Variants in STK39 observed in about 807,000 individuals in gnomAD.
The protein encoded by STK39 is STE20/SPS1-related proline-alanine-rich protein kinase.
In STK39, 20 loss-of-function variants were observed where a neutral mutation model predicts 77.8. The observed-to-expected ratio is 0.26, with a 90% CI of 0.18 to 0.37. The LOEUF (loss-of-function observed/expected upper bound fraction) is 0.37, where lower values mean the gene tolerates loss of function less well. Among genes scored for constraint, STK39 ranks in the 10% least tolerant of loss-of-function variants. STK39 has a pLI of 1.00. For missense variants in STK39, 479 were observed against 656.5 expected, an observed-to-expected ratio of 0.73 and a Z score of 2.95; for synonymous variants, 246 against 234.1, an observed-to-expected ratio of 1.05 and a Z score of -0.47.
At chr2:168,054,340 CTT>C (rs1277933390) in intron 14 of STK39, among the ~76,000 whole-genome samples, 1 of 152,210 alleles carries the variant, frequency 6.6e-6, no homozygotes, top group Non-Finnish European at 1.5e-5. Context: ...TATTTCATGA[CTT>C]TAAACCTTAA....
At chr2:168,227,170 C>T (rs1690330148) in intron 1 of STK39, among the ~76,000 whole-genome samples, 1 of 152,120 alleles carries the variant, frequency 6.6e-6, no homozygotes, top group Admixed American at 6.6e-5. Context: ...AAAATTATTA[C>T]ATTTTGGAAA....
intron 16 of STK39, among the ~76,000 whole-genome samples, chr2:167,978,575 T>C (rs1683338877): frequency 6.6e-6 from 1 of 152,230 alleles, no homozygotes; most frequent in African/African-American, 2.4e-5. Context: ...CTTATACTAA[T>C]GTAAGCAGCT....
chr2:168,175,908 A>G (rs1194980982), intron 2 of STK39, among the ~76,000 whole-genome samples: 1 of 152,222 alleles, frequency 6.6e-6, no homozygotes, highest in African/African-American at 2.4e-5. Context: ...GACAGATGAC[A>G]GAACAAAACT....
At chr2:167,956,694 ACACTCTCT>A (rs1413831414) in intron 17 of STK39, among the ~76,000 whole-genome samples, 76 of 41,714 alleles carry the variant, frequency 1.8e-3, no homozygotes, top group South Asian at 7.3e-3. Context: ...ACACACACAC[ACACTCTCT>A]CTCTCTCTCT....
chr2:168,233,954 T>C (rs6747565), intron 1 of STK39, among the ~76,000 whole-genome samples: 55,258 of 152,088 alleles, frequency 0.36, 10,410 homozygotes, highest in Non-Finnish European at 0.43. Flanking sequence ...AAAACTTATA[T>C]TTCAAAACTA....
At chr2:168,235,295 C>T (rs1016331815) in intron 1 of STK39, among the ~76,000 whole-genome samples, 12 of 152,048 alleles carry the variant, frequency 7.9e-5, no homozygotes, top group Non-Finnish European at 5.9e-5. Flanking sequence ...GTCTCAGCCT[C>T]CTGAAGTGCT....
intron 1 of STK39, among the ~76,000 whole-genome samples, chr2:168,240,475 T>C (rs1200231896): frequency 1.3e-5 from 2 of 152,178 alleles, no homozygotes; most frequent in South Asian, 2.1e-4. Flanking sequence ...AAACCAGTGG[T>C]GGCTGACATG....
chr2:168,100,509 C>A (rs1313382347), intron 10 of STK39, among the ~76,000 whole-genome samples: 1 of 152,180 alleles, frequency 6.6e-6, no homozygotes, highest in Non-Finnish European at 1.5e-5. Flanking sequence ...AGCGATCCTC[C>A]TGCCACGGCC....
intron 12 of STK39, among the ~76,000 whole-genome samples, chr2:168,073,716 C>A (rs968408974): frequency 3.3e-5 from 5 of 152,168 alleles, no homozygotes; most frequent in South Asian, 2.1e-4. Flanking sequence ...GCAACCTCCA[C>A]TTCCCGGGTT....
At chr2:167,974,752 G>A (rs950682653) in intron 16 of STK39, among the ~76,000 whole-genome samples, 2 of 152,130 alleles carry the variant, frequency 1.3e-5, no homozygotes, top group Admixed American at 1.3e-4. Context: ...CTAGAGTATA[G>A]TGTCTTTTAG....
At chr2:168,095,453 A>G (rs906355488) in intron 10 of STK39, among the ~76,000 whole-genome samples, 5 of 152,036 alleles carry the variant, frequency 3.3e-5, no homozygotes, top group African/African-American at 1.2e-4. Flanking sequence ...AACAATCTTC[A>G]ATTCTCTGAT....
At chr2:168,114,707 G>C (rs554149094) in intron 10 of STK39, among the ~76,000 whole-genome samples, 1 of 152,316 alleles carries the variant, frequency 6.6e-6, no homozygotes, top group East Asian at 1.9e-4. Flanking sequence ...GGAAACTGCA[G>C]TGCTATCCTT....
chr2:168,004,747 A>T (rs1684084233), intron 16 of STK39, among the ~76,000 whole-genome samples: 1 of 151,530 alleles, frequency 6.6e-6, no homozygotes. Flanking sequence ...AAAAAAAAAA[A>T]AAATTAAAAT....
intron 5 of STK39, among the ~76,000 whole-genome samples, chr2:168,152,273 G>C (rs1025312917): frequency 1.3e-5 from 2 of 152,192 alleles, no homozygotes; most frequent in African/African-American, 4.8e-5. Flanking sequence ...TATTTTTAAA[G>C]ATGCTCTGGT....
At chr2:168,048,760 C>T (rs1011599743) in intron 14 of STK39, among the ~76,000 whole-genome samples, 1 of 152,170 alleles carries the variant, frequency 6.6e-6, no homozygotes, top group African/African-American at 2.4e-5. Context: ...CTGTAATTAG[C>T]AACCCCGCCA....
chr2:168,139,899 A>G (rs1687936706), intron 7 of STK39, among the ~76,000 whole-genome samples: 1 of 152,148 alleles, frequency 6.6e-6, no homozygotes, highest in South Asian at 2.1e-4. Context: ...AAGAAAGAAA[A>G]AAAAAAGCTC....
At chr2:168,210,202 A>G (rs1303810827) in intron 1 of STK39, among the ~76,000 whole-genome samples, 1 of 152,200 alleles carries the variant, frequency 6.6e-6, no homozygotes, top group Non-Finnish European at 1.5e-5. Flanking sequence ...TTTGAGTCAT[A>G]CTATCACTAC....
chr2:167,956,676 A>ACACACACACT (rs1444244384), intron 17 of STK39, among the ~76,000 whole-genome samples: 1 of 38,806 alleles, frequency 2.6e-5, no homozygotes, highest in African/African-American at 1.4e-4. Context: ...AGACACACAC[A>ACACACACACT]CACACACACA....
At chr2:168,146,972 G>A (rs1688156194) in intron 5 of STK39, among the ~76,000 whole-genome samples, 1 of 152,202 alleles carries the variant, frequency 6.6e-6, no homozygotes, top group South Asian at 2.1e-4. Context: ...TCGAAGGTCT[G>A]AATAAAATTC....
Sources: gnomAD v4.1 joint callset for allele counts (sites outside exome capture counted in the v4.1 genomes callset) on GRCh38, gnomAD v4.1.1 for gene constraint, MANE v1.5 for transcripts, NCBI Gene and HGNC (gene_info 2026-07-23, HGNC 2026-07-21) for gene names.